Variants in FAM178B observed in about 807,000 individuals in gnomAD.
FAM178B encodes the protein family with sequence similarity 178 member B.
Under a neutral mutation model 91.7 loss-of-function variants are expected in FAM178B, and 82 were observed. The observed-to-expected ratio is 0.89, with a 90% confidence interval of 0.75 to 1.07. The LOEUF is 1.07. Ranked by LOEUF, FAM178B falls within the 50% of genes least tolerant of loss-of-function variation. FAM178B has a pLI of 0.00. For synonymous variants in FAM178B, 368 were observed against 359.4 expected (o/e 1.02, Z -0.27); for missense variants, 769 against 846.7 (o/e 0.91, Z 1.14).
At chr2:96,882,883 C>G (rs899205483) in intron 14 of FAM178B, among the ~76,000 whole-genome samples, 2 of 152,248 alleles carry the variant, frequency 1.3e-5, no homozygotes, top group Non-Finnish European at 1.5e-5. Context: ...CCGGAAACCT[C>G]AGTCAACATC....
intron 12 of FAM178B, among the ~76,000 whole-genome samples, chr2:96,903,067 T>C (rs550776006): frequency 3.3e-5 from 5 of 152,024 alleles, no homozygotes; most frequent in Admixed American, 6.6e-5. Context: ...TGAGACGGAG[T>C]CTCGCTCTGT....
intron 9 of FAM178B, among the ~76,000 whole-genome samples, chr2:96,925,794 C>G (rs934112735): frequency 2.0e-5 from 3 of 152,188 alleles, no homozygotes; most frequent in Admixed American, 6.5e-5. Flanking sequence ...GCATCTTCTT[C>G]CCCCAAAAGT....
intron 14 of FAM178B, among the ~76,000 whole-genome samples, chr2:96,886,322 G>A (rs1286287187): frequency 2.6e-5 from 4 of 152,240 alleles, no homozygotes; most frequent in Non-Finnish European, 1.5e-5. Context: ...TTAGAGACGG[G>A]CACCTGACCC....
intron 12 of FAM178B, among the ~76,000 whole-genome samples, chr2:96,911,116 T>C (rs939573409): frequency 6.6e-6 from 1 of 152,110 alleles, no homozygotes; most frequent in African/African-American, 2.4e-5. Context: ...CTTTGAAATC[T>C]ACCCTCCAGA....
At chr2:96,923,669 C>A in intron 9 of FAM178B, 86 bp from the exon 10 acceptor site, 2 of 951,462 alleles carry the variant, frequency 2.1e-6, no homozygotes, top group Non-Finnish European at 1.6e-6. Context: ...ACACTGCTGC[C>A]CTGAGGCTGC....
chr2:96,924,210 A>T (rs2081395790), intron 9 of FAM178B, among the ~76,000 whole-genome samples: 1 of 152,142 alleles, frequency 6.6e-6, no homozygotes, highest in Admixed American at 6.5e-5. Context: ...TCACACTTCC[A>T]ATCCCCCCAA....
At chr2:96,983,123 C>T (rs1292768145) in intron 1 of FAM178B, among the ~76,000 whole-genome samples, 1 of 151,914 alleles carries the variant, frequency 6.6e-6, no homozygotes, top group African/African-American at 2.4e-5. Context: ...TCAAACAATC[C>T]TCCTGCCTCA....
At chr2:96,918,637 GCA>G (rs970773215) in intron 12 of FAM178B, among the ~76,000 whole-genome samples, 4 of 151,138 alleles carry the variant, frequency 2.6e-5, no homozygotes, top group Non-Finnish European at 5.9e-5. Flanking sequence ...AGAAATATCT[GCA>G]CAGACACTAA....
At position 96,921,389 on chromosome 2, in the gene FAM178B, C is replaced by T. The variant is rs971308368; in HGVS notation, c.1464+89G>A. 179 of 1,503,288 alleles carry T rather than the reference C, an allele frequency of 1.2e-4. 1 individual carries two copies. Among genetic ancestry groups the T allele is most frequent in the Non-Finnish European group, 1.3e-4 (147 of 1,105,598 alleles). The allele number at this position is 1,503,288 out of a possible 1,614,324, so 93.1% of individuals were successfully genotyped here. A position where few individuals can be genotyped will look rare whatever the true frequency, so the allele number is the denominator to read the frequency against. On this transcript the variant is annotated intron_variant, in intron 11 of 16. Coordinates refer to ENST00000490605, the MANE Select transcript of FAM178B (RefSeq NM_001122646.3). ...CAGGGACATTCCGATGACCTCCAGG[C>T]AGTGCCATCCCCACCCAGGGCACTC...
chr2:96,964,188 A>G (rs1046543531), intron 5 of FAM178B, among the ~76,000 whole-genome samples: 1 of 144,078 alleles, frequency 6.9e-6, no homozygotes, highest in African/African-American at 2.6e-5. Context: ...AATAAAATAA[A>G]AGAGAGAGAT....
At chr2:96,968,412 T>C (rs2082174291) in intron 4 of FAM178B, among the ~76,000 whole-genome samples, 1 of 151,966 alleles carries the variant, frequency 6.6e-6, no homozygotes, top group Admixed American at 6.6e-5. Context: ...CAGCCTTCCT[T>C]GTCCTTGCGC....
intron 8 of FAM178B, among the ~76,000 whole-genome samples, chr2:96,936,498 G>GTTT (rs772029073): frequency 6.6e-5 from 9 of 136,086 alleles, no homozygotes; most frequent in African/African-American, 2.5e-4. Context: ...CCACGCCCGG[G>GTTT]TTTTTTTTTT....
At chr2:96,882,607 G>A (rs1285029497) in intron 14 of FAM178B, among the ~76,000 whole-genome samples, 3 of 152,250 alleles carry the variant, frequency 2.0e-5, no homozygotes. Flanking sequence ...GAGAGAGGCT[G>A]AGCCCAGGCT....
intron 6 of FAM178B, among the ~76,000 whole-genome samples, chr2:96,958,214 C>A (rs1284917492): frequency 2.6e-5 from 4 of 151,914 alleles, no homozygotes; most frequent in African/African-American, 9.7e-5. Flanking sequence ...GGACTACAGG[C>A]GCCCGCTACC....
At chr2:96,974,774 C>T (rs950793745) in intron 1 of FAM178B, among the ~76,000 whole-genome samples, 10 of 151,976 alleles carry the variant, frequency 6.6e-5, no homozygotes, top group South Asian at 4.2e-4. Context: ...GTACAAGAGA[C>T]AAAGATTATA....
chr2:96,972,713 G>T, intron 1 of FAM178B, 107 bp from the exon 2 acceptor site: 1 of 1,009,730 alleles, frequency 9.9e-7, no homozygotes, highest in East Asian at 2.6e-5. Context: ...TGCCCAAGAG[G>T]GTCCGCCCTG....
At chr2:96,977,726 T>A (rs2082310064) in intron 1 of FAM178B, 1 of 420,258 alleles carries the variant, frequency 2.4e-6, no homozygotes, top group East Asian at 7.2e-5. Context: ...GGATATTTCC[T>A]CCTTTTTAGA....
chr2:96,884,487 CCA>C (rs976229376), intron 14 of FAM178B, among the ~76,000 whole-genome samples: 40 of 152,308 alleles, frequency 2.6e-4, no homozygotes, highest in African/African-American at 9.4e-4. Flanking sequence ...GTCTAGGTAT[CCA>C]CACAGGTTGG....
At chr2:96,937,774 CCCA>C (rs1287442111) in intron 8 of FAM178B, among the ~76,000 whole-genome samples, 1 of 152,126 alleles carries the variant, frequency 6.6e-6, no homozygotes, top group African/African-American at 2.4e-5. Flanking sequence ...ATCTATAATC[CCCA>C]CAAGTTGGGA....
Sources: allele counts gnomAD v4.1 joint callset (sites outside exome capture counted in the v4.1 genomes callset), GRCh38; gene constraint gnomAD v4.1.1; transcripts MANE v1.5; gene names NCBI Gene and HGNC (gene_info 2026-07-23, HGNC 2026-07-21).